Variants in MAST2 observed in about 807,000 individuals in gnomAD.
MAST2 encodes the protein microtubule associated serine/threonine kinase 2, also known as microtubule-associated serine/threonine-protein kinase 2.
A neutral mutation model predicts 147.4 loss-of-function variants in MAST2; 70 were observed. The observed-to-expected ratio is 0.47, with a 90% CI of 0.39 to 0.58. The LOEUF (loss-of-function observed/expected upper bound fraction) is 0.58, where lower values mean the gene tolerates loss of function less well. MAST2 is among the 20% of genes least tolerant of loss of function. The pLI, the probability that MAST2 is intolerant of heterozygous loss-of-function variation, is 0.00. For missense variants in MAST2, 2,080 were observed against 2,302.3 expected, an observed-to-expected ratio of 0.90 and a Z score of 1.98; for synonymous variants, 869 against 896.8, an observed-to-expected ratio of 0.97 and a Z score of 0.55.
rs1273968395 is a variant in MAST2, at chr1:45,991,094, A to T, written c.593-6630A>T. Among the ~76,000 whole-genome samples, 5 of 152,002 alleles carry T rather than the reference A, an allele frequency of 3.3e-5. No individual in the cohort carries two copies. The East Asian group carries it at 9.6e-4, about 29-fold the overall frequency. ...TTTGTAAAAGGTTGTATCTAGATTC[A>T]TTTTTTTGCATATGAACATTCAGTT... On this transcript the variant is annotated intron_variant, in intron 5 of 28. Coordinates refer to ENST00000361297, the MANE Select transcript of MAST2 (RefSeq NM_015112.3).
At chr1:45,987,762 GTTTTTTTTTTTTTGATTTTTTTTT>G (rs1220139650) in intron 5 of MAST2, among the ~76,000 whole-genome samples, 6 of 62,742 alleles carry the variant, frequency 9.6e-5, no homozygotes, top group Non-Finnish European at 1.7e-4. Context: ...AGCATTTCTT[GTTTTTTTTTTTTTGATTTTTTTTT>G]TTTTTTTTTT....
Position 46,029,528 on chromosome 1 carries a change from A to G in MAST2, c.2281A>G (p.Lys761Glu). Residue 761 changes from lysine (K) to glutamate (E), a missense_variant, in exon 19 of 29, where the codon AAA becomes GAA. Coordinates refer to ENST00000361297, the MANE Select transcript of MAST2 (RefSeq NM_015112.3). ...LPPDAQDLTSKLLHQNPLERL... is the reference protein window; with the variant it reads ...LPPDAQDLTSELLHQNPLERL... Reference sequence around the variant, plus strand: ...CCCAGACGCCCAGGACCTCACCTCCAAACTGCTCCACCAGAACCCTCTGGA... The same window carrying G: ...CCCAGACGCCCAGGACCTCACCTCCGAACTGCTCCACCAGAACCCTCTGGA... The G allele has an allele frequency of 6.2e-7, 1 of 1,614,132 alleles. No homozygotes were observed. Among genetic ancestry groups the G allele is most frequent in the Non-Finnish European group, 8.5e-7 (1 of 1,180,008 alleles).
At chr1:45,982,501 C>G (rs1644451264) in intron 5 of MAST2, among the ~76,000 whole-genome samples, 1 of 152,198 alleles carries the variant, frequency 6.6e-6, no homozygotes, top group Non-Finnish European at 1.5e-5. Context: ...AATTAAAACT[C>G]TGGACAACCT....
intron 3 of MAST2, among the ~76,000 whole-genome samples, chr1:45,867,677 G>T (rs1396070214): frequency 6.6e-6 from 1 of 152,180 alleles, no homozygotes; most frequent in Non-Finnish European, 1.5e-5. Flanking sequence ...AGCAGTGGAC[G>T]ATGTGGAGGA....
chr1:45,848,375 G>A (rs778477102), intron 3 of MAST2, among the ~76,000 whole-genome samples: 24 of 152,322 alleles, frequency 1.6e-4, no homozygotes, highest in Non-Finnish European at 3.4e-4. Flanking sequence ...TACCTTCTGG[G>A]AGTCTGAAAT....
intron 4 of MAST2, among the ~76,000 whole-genome samples, chr1:45,933,461 C>T (rs531031681): frequency 2.0e-5 from 3 of 151,886 alleles, no homozygotes; most frequent in South Asian, 2.1e-4. Context: ...GAACTCTGGC[C>T]GGGCACGGTG....
At chr1:45,824,699 A>T in intron 2 of MAST2, 119 bp downstream of exon 2, 1 of 1,031,246 alleles carries the variant, frequency 9.7e-7, no homozygotes. Context: ...TGTATAGAAC[A>T]TTTATGGTAA....
intron 4 of MAST2, among the ~76,000 whole-genome samples, chr1:45,927,526 A>G (rs1654579842): frequency 6.6e-6 from 1 of 152,140 alleles, no homozygotes; most frequent in South Asian, 2.1e-4. Context: ...TATTTCTCCC[A>G]TTTGCTTTTG....
At chr1:45,826,917 C>T (rs1461272687) in intron 2 of MAST2, among the ~76,000 whole-genome samples, 1 of 152,122 alleles carries the variant, frequency 6.6e-6, no homozygotes, top group Non-Finnish European at 1.5e-5. Flanking sequence ...AAACCTCCGC[C>T]TTCCTGGTTC....
At chr1:45,992,123 G>GA (rs1644877991) in intron 5 of MAST2, among the ~76,000 whole-genome samples, 1 of 151,978 alleles carries the variant, frequency 6.6e-6, no homozygotes, top group Non-Finnish European at 1.5e-5. Flanking sequence ...TGTTCTTGGA[G>GA]AAAAAATACC....
chr1:46,027,968 G>T (rs896426687), intron 17 of MAST2, 105 bp downstream of exon 17: 1 of 1,415,012 alleles, frequency 7.1e-7, no homozygotes, highest in Non-Finnish European at 9.7e-7. Context: ...GAGGCAGGAG[G>T]ATCGCTTGAG....
chr1:45,953,933 T>C (rs4660900), intron 4 of MAST2, among the ~76,000 whole-genome samples: 51,540 of 152,024 alleles, frequency 0.34, 9,118 homozygotes, highest in African/African-American at 0.43. Flanking sequence ...ATGTATTTTT[T>C]TCCCACTCTC....
chr1:45,889,006 G>A (rs1380446093), intron 4 of MAST2, among the ~76,000 whole-genome samples: 1 of 151,790 alleles, frequency 6.6e-6, no homozygotes, highest in African/African-American at 2.4e-5. Context: ...ACTACCACTG[G>A]TTTGTCCAGA....
intron 5 of MAST2, among the ~76,000 whole-genome samples, chr1:45,971,454 T>C (rs1378061996): frequency 1.3e-5 from 2 of 152,190 alleles, no homozygotes; most frequent in Non-Finnish European, 2.9e-5. Context: ...ACAGTATCTT[T>C]GTAGGTAAGG....
rs1249136612 is a variant in MAST2, at chr1:46,029,573, G to T, written c.2320+6G>T. 1 of 1,612,326 alleles carries T rather than the reference G, an allele frequency of 6.2e-7. No individual in the cohort carries two copies. The highest frequency in any genetic ancestry group is 1.3e-5 in the African/African-American group (1 of 74,842). ...TCTGGAGAGACTTGGCACAGGTAGGGCAGGCCCTGCTAACTTTTCTCACTA... is the reference window on the plus strand; with the variant it reads ...TCTGGAGAGACTTGGCACAGGTAGGTCAGGCCCTGCTAACTTTTCTCACTA... On this transcript the variant is annotated splice_donor_region_variant and intron_variant, in intron 19 of 28. Coordinates refer to ENST00000361297, the MANE Select transcript of MAST2 (RefSeq NM_015112.3).
chr1:45,871,766 C>G (rs1646401492), intron 3 of MAST2, among the ~76,000 whole-genome samples: 1 of 152,060 alleles, frequency 6.6e-6, no homozygotes. Context: ...CTGAGTAGGC[C>G]CTAGAATGTT....
intron 4 of MAST2, among the ~76,000 whole-genome samples, chr1:45,904,824 T>TGA (rs1272495913): frequency 6.6e-6 from 1 of 152,068 alleles, no homozygotes; most frequent in Non-Finnish European, 1.5e-5. Context: ...CCACTTTTTT[T>TGA]GAGAGAGAGG....
intron 4 of MAST2, among the ~76,000 whole-genome samples, chr1:45,909,761 C>G (rs901738502): frequency 6.6e-6 from 1 of 152,124 alleles, no homozygotes; most frequent in Non-Finnish European, 1.5e-5. Flanking sequence ...CGTGATCCAC[C>G]CACTTTTGCC....
rs559511591 is a variant in MAST2, at chr1:45,928,443, G to A, written c.501-30943G>A. Among the ~76,000 whole-genome samples the A allele has an allele frequency of 1.5e-4, 23 of 152,176 alleles. No individual in the cohort carries two copies. In the South Asian group the frequency reaches 4.2e-3, roughly 28 times the overall value. On this transcript the variant is annotated intron_variant, in intron 4 of 28. Transcript: ENST00000361297. ...TTTGGTTAATACATCTCTTAAGTAG[G>A]GTGGTGATACAATTTAGTGTCTAAA...
Sources: allele counts gnomAD v4.1 joint callset (sites outside exome capture counted in the v4.1 genomes callset), GRCh38; gene constraint gnomAD v4.1.1; transcripts MANE v1.5; gene names NCBI Gene and HGNC (gene_info 2026-07-23, HGNC 2026-07-21).